The following CCDC88A variants were observed in gnomAD, a reference collection of about 807,000 sequenced individuals.
CCDC88A encodes girdin.
CCDC88A carries 54 observed loss-of-function variants against 234.3 expected under a neutral mutation model. The observed-to-expected ratio is 0.23, with a 90% CI of 0.19 to 0.29. The LOEUF (loss-of-function observed/expected upper bound fraction) is 0.29. CCDC88A is among the 10% of genes least tolerant of loss of function. The pLI is 1.00. For synonymous variants in CCDC88A, 753 were observed against 737.8 expected (o/e 1.02, Z -0.33); for missense variants, 1,832 against 2,123.4 (o/e 0.86, Z 2.70).
At position 55,322,661 on chromosome 2, in the gene CCDC88A, C is replaced by A; in HGVS notation, c.3029G>T (p.Arg1010Ile). 6.4e-7 allele frequency: 1 copy of A among 1,564,584 alleles called. No homozygotes were observed. The highest frequency in any genetic ancestry group is 8.6e-7 in the Non-Finnish European group (1 of 1,158,508). Residue 1010 changes from arginine (R) to isoleucine (I), a missense_variant, in exon 18 of 33, where the codon AGA becomes ATA. Around this residue, in one of 6 missense-constraint regions of CCDC88A, gnomAD observed 1,282 missense variants for 1,543.6 expected, o/e 0.83. Coordinates refer to ENST00000436346, the MANE Select transcript of CCDC88A (RefSeq NM_001365480.1). ...CTGTACCATCCTTTCCTCATCTTGT[C>A]TCTGTTTGAGAGCTTCATAATTTTT... The part of the protein sequence containing the change: ...VKKNYEALKQ[R>I]QDEERMVQSS...
chr2:55,295,543 T>C (rs1170216007), intron 31 of CCDC88A, 54 bp downstream of exon 31: 1 of 1,613,838 alleles, frequency 6.2e-7, no homozygotes, highest in East Asian at 2.2e-5. Flanking sequence ...GAACCTATAG[T>C]ATGTGTTGGG....
rs185622825 is a variant in CCDC88A at position 55,309,912 on chromosome 2, A to G, written c.4080-658T>C. The stretch of plus-strand genomic sequence containing the variant: ...ATAACATATAATATTGTGTGTGTGT[A>G]TATATATAAAATGACTATATAATCC... On this transcript the variant is annotated intron_variant, in intron 23 of 32. Coordinates refer to ENST00000436346, the MANE Select transcript of CCDC88A (RefSeq NM_001365480.1). This position sits in a 1 kb window ranked among gnomAD's most constrained non-coding sequence, Gnocchi z 5.1. Among the ~76,000 whole-genome samples the G allele has an allele frequency of 6.6e-6, 1 of 152,274 alleles. No homozygotes were observed. Among genetic ancestry groups the G allele is most frequent in the South Asian group, 2.1e-4 (1 of 4,826 alleles).
intron 4 of CCDC88A, 115 bp from the exon 5 acceptor site, chr2:55,372,625 C>G: frequency 1.8e-6 from 1 of 568,556 alleles, no homozygotes; most frequent in South Asian, 2.9e-5. Context: ...AGGATTCAGT[C>G]TAAGCATATG....
chr2:55,354,466 T>A (rs1010837148), intron 8 of CCDC88A, among the ~76,000 whole-genome samples: 1 of 152,186 alleles, frequency 6.6e-6, no homozygotes, highest in Non-Finnish European at 1.5e-5. Context: ...ATTTTTAAAC[T>A]TAACTCTTTT....
intron 25 of CCDC88A, among the ~76,000 whole-genome samples, chr2:55,304,521 AAG>A (rs1040622020): frequency 6.6e-6 from 1 of 152,142 alleles, no homozygotes; most frequent in Non-Finnish European, 1.5e-5. Context: ...GGGGAAAAAA[AAG>A]AGTATTTTGA....
intron 8 of CCDC88A, 102 bp from the exon 9 acceptor site, chr2:55,349,701 A>G: frequency 1.4e-6 from 1 of 739,318 alleles, no homozygotes; most frequent in Non-Finnish European, 2.3e-6. Flanking sequence ...AACTAGTTGG[A>G]CATAGTATTA....
At chr2:55,336,568 T>C in intron 14 of CCDC88A, 113 bp downstream of exon 14, 1 of 631,662 alleles carries the variant, frequency 1.6e-6, no homozygotes, top group South Asian at 3.3e-5. Context: ...ATAAAAAAAT[T>C]CTAAAATATT....
Position 55,419,336 on chromosome 2 carries a change from G to A in CCDC88A, c.-257C>T. On this transcript the variant is annotated 5_prime_UTR_variant, in exon 1 of 33. Coordinates refer to ENST00000436346, the MANE Select transcript of CCDC88A (RefSeq NM_001365480.1). The stretch of plus-strand genomic sequence containing the variant: ...TGGAAATGTCTGTACCGGGCGAGGA[G>A]GGGCAGAGAAAAGGCATCTGGAGGA... 2 of 447,066 alleles carry A rather than the reference G, an allele frequency of 4.5e-6. No individual in the cohort carries two copies. The highest frequency in any genetic ancestry group is 5.3e-5 in the South Asian group (2 of 37,532). 27.7% of individuals were successfully genotyped at this position (447,066 alleles called of 1,614,324 possible).
chr2:55,338,109 G>A (rs1668030810), intron 13 of CCDC88A, among the ~76,000 whole-genome samples: 1 of 152,130 alleles, frequency 6.6e-6, no homozygotes, highest in South Asian at 2.1e-4. Flanking sequence ...AAAATTGCTT[G>A]AATCACTAAG....
chr2:55,303,311 T>G (rs1681114172), intron 25 of CCDC88A, among the ~76,000 whole-genome samples, 159 bp from the exon 26 acceptor site: 1 of 152,104 alleles, frequency 6.6e-6, no homozygotes, highest in African/African-American at 2.4e-5. Flanking sequence ...TGCTGCTGAG[T>G]GATAATGAAA....
chr2:55,339,964 C>T (rs957853761), intron 12 of CCDC88A: 16 of 191,848 alleles, frequency 8.3e-5, no homozygotes, highest in Middle Eastern at 2.0e-3. Flanking sequence ...CCCAAGCGGC[C>T]GGGACTGCAG....
rs1366465324 is a variant in CCDC88A, at chr2:55,289,569, A to G, written c.*1631T>C. The G allele has an allele frequency of 6.6e-6, 1 of 152,126 alleles. No individual in the cohort carries two copies. The highest frequency in any genetic ancestry group is 1.5e-5 in the Non-Finnish European group (1 of 68,000). The allele number at this position is 152,126 out of a possible 1,614,324, so 9.4% of individuals were successfully genotyped here. The stretch of plus-strand genomic sequence containing the variant: ...ATTTACATAGCACCTTTCATCCAAG[A>G]TTTTCAAAATGATTTAACGTTAACA... On this transcript the variant is annotated 3_prime_UTR_variant, in exon 33 of 33. Transcript: ENST00000436346.
At chr2:55,366,868 A>G (rs527536187) in intron 5 of CCDC88A, among the ~76,000 whole-genome samples, 1 of 152,310 alleles carries the variant, frequency 6.6e-6, no homozygotes, top group East Asian at 1.9e-4. Flanking sequence ...TAGTGTTTTA[A>G]ATAAGAAAAC....
At position 55,318,823 on chromosome 2, in the gene CCDC88A, C is replaced by G; in HGVS notation, c.3324+20G>C. 1.3e-6 allele frequency: 2 copies of G among 1,542,114 alleles called. No individual in the cohort carries two copies. Among genetic ancestry groups the G allele is most frequent in the African/African-American group, 2.7e-5 (2 of 74,046 alleles). ...AATTCAAGAGTTTGGTTGCATATTC[C>G]CAAAATATTATATTACAACCTGAAG... On this transcript the variant is annotated intron_variant, in intron 19 of 32. Transcript: ENST00000436346.
intron 29 of CCDC88A, chr2:55,296,886 T>G (rs1680094390): frequency 5.8e-6 from 1 of 171,696 alleles, no homozygotes. Context: ...GTTCAAATAG[T>G]TATAAAATGC....
At chr2:55,374,532 T>A (rs1035084759) in intron 4 of CCDC88A, among the ~76,000 whole-genome samples, 1 of 152,200 alleles carries the variant, frequency 6.6e-6, no homozygotes, top group Non-Finnish European at 1.5e-5. Context: ...CTACATCATC[T>A]TCTATACTTC....
chr2:55,298,681 G>A (rs1680491527), intron 29 of CCDC88A, among the ~76,000 whole-genome samples: 1 of 151,956 alleles, frequency 6.6e-6, no homozygotes, highest in East Asian at 1.9e-4. Context: ...ACAAGCCTGG[G>A]CAACATGTTA....
Position 55,309,604 on chromosome 2 carries a change from G to C in CCDC88A, c.4080-350C>G, listed in dbSNP as rs545843976. 3.3e-5 allele frequency among the ~76,000 whole-genome samples: 5 copies of C among 152,152 alleles called. No individual in the cohort carries two copies. Among genetic ancestry groups the C allele is most frequent in the Admixed American group, 2.6e-4 (4 of 15,276 alleles). On this transcript the variant is annotated intron_variant, in intron 23 of 32. Transcript: ENST00000436346. The surrounding 1 kb of genome is among the most constrained non-coding windows in gnomAD (Gnocchi z 5.1). ...TTTTCTTTTCGGCAGAATTACTTAG[G>C]TTTGATTTACTTGTAGAGAACCATT... is the stretch of plus-strand genomic sequence containing the variant.
chr2:55,308,486 A>G (rs554439018), intron 25 of CCDC88A: 2 of 217,444 alleles, frequency 9.2e-6, no homozygotes, highest in Non-Finnish European at 1.8e-5. Context: ...GCTCCTTGTA[A>G]CTGTCCTGTG....
Sources: allele counts gnomAD v4.1 joint callset (sites outside exome capture counted in the v4.1 genomes callset), GRCh38; gene constraint gnomAD v4.1.1; regional missense constraint gnomAD v4.1.1; non-coding constraint Gnocchi (gnomAD v3.1); transcripts MANE v1.5; gene names NCBI Gene and HGNC (gene_info 2026-07-23, HGNC 2026-07-21).